BCAS3: variants seen among roughly 807,000 people sequenced by gnomAD.
BCAS3 encodes BCAS3 microtubule associated cell migration factor.
Under a neutral mutation model 116.1 loss-of-function variants are expected in BCAS3, and 53 were observed. The ratio of observed to expected loss-of-function variants is 0.46; its 90% CI spans 0.37 to 0.57. The LOEUF (loss-of-function observed/expected upper bound fraction) is 0.57. BCAS3 is among the 20% of genes least tolerant of loss of function. The probability of loss-of-function intolerance (pLI) is 0.00; values close to 1 mark genes in which losing one functional copy is unlikely to be tolerated. For missense variants in BCAS3, 917 were observed against 1,165.4 expected, an observed-to-expected ratio of 0.79 and a Z score of 3.10; for synonymous variants, 391 against 408.2, an observed-to-expected ratio of 0.96 and a Z score of 0.51.
At chr17:60,921,697 T>G (rs1599703233) in intron 12 of BCAS3, among the ~76,000 whole-genome samples, 1 of 137,204 alleles carries the variant, frequency 7.3e-6, no homozygotes, top group Non-Finnish European at 1.6e-5. Flanking sequence ...ACTACTAGAG[T>G]GGGGAGGGAG....
Position 61,332,961 on chromosome 17 carries a change from A to G in BCAS3, c.2426-35366A>G, listed in dbSNP as rs1568874338. Among the ~76,000 whole-genome samples the G allele has an allele frequency of 2.0e-5, 3 of 152,198 alleles. No individual in the cohort carries two copies. The highest frequency in any genetic ancestry group is 6.5e-5 in the Admixed American group (1 of 15,284). On this transcript the variant is annotated intron_variant, in intron 22 of 23. Transcript: ENST00000407086. The surrounding 1 kb of genome is among the most constrained non-coding windows in gnomAD (Gnocchi z 5.4). The stretch of plus-strand genomic sequence containing the variant: ...GGCAGCTAAGGCTCAGAGAAGTCAT[A>G]TTACAAGTCTAGGGCAGAGCGGGGA...
rs2055449820 is a variant in BCAS3 at position 61,323,188 on chromosome 17, TCA to T, written c.2426-45138_2426-45137del. Reference sequence around the variant, plus strand: ...AGCTGATGACCACGGGCCAGATTGTTCATTTCACAAAGGGGAGGCTTTTAAAA... The same window carrying T: ...AGCTGATGACCACGGGCCAGATTGTTTTTCACAAAGGGGAGGCTTTTAAAA... On this transcript the variant is annotated intron_variant, in intron 22 of 23. Coordinates refer to ENST00000407086, the MANE Select transcript of BCAS3 (RefSeq NM_017679.5). This position sits in a 1 kb window ranked among gnomAD's most constrained non-coding sequence, Gnocchi z 4.6. 6.6e-6 allele frequency among the ~76,000 whole-genome samples: 1 copy of T among 152,172 alleles called. No individual in the cohort carries two copies. The highest frequency in any genetic ancestry group is 6.5e-5 in the Admixed American group (1 of 15,280).
chr17:60,782,858 GA>G (rs2045952715), intron 6 of BCAS3, among the ~76,000 whole-genome samples: 2 of 151,990 alleles, frequency 1.3e-5, no homozygotes, highest in African/African-American at 4.8e-5. Context: ...AAAGTGCTGG[GA>G]ATACAGGCAT....
intron 5 of BCAS3, chr17:60,727,616 C>G (rs1417343163): frequency 1.7e-6 from 1 of 576,566 alleles, no homozygotes. Flanking sequence ...AGGTTCACGG[C>G]AAAACTGAGT....
chr17:60,902,763 C>A, intron 11 of BCAS3, 60 bp downstream of exon 11: 1 of 1,280,038 alleles, frequency 7.8e-7, no homozygotes, highest in Non-Finnish European at 1.1e-6. Flanking sequence ...TCAGATTTCT[C>A]TCCTGAATTA....
At position 60,967,319 on chromosome 17, in the gene BCAS3, A is replaced by G. The variant is rs2061712970; in HGVS notation, c.1221+19967A>G. Among the ~76,000 whole-genome samples, 1 of 152,136 alleles carries G rather than the reference A, an allele frequency of 6.6e-6. No homozygotes were observed. Among genetic ancestry groups the G allele is most frequent in the African/African-American group, 2.4e-5 (1 of 41,414 alleles). The stretch of plus-strand genomic sequence containing the variant: ...CAAGTATAATTTTGCTGAATGCAAT[A>G]TTCTTGGATGGCAATGTTTTCTCCT... On this transcript the variant is annotated intron_variant, in intron 14 of 23. Transcript: ENST00000407086. The surrounding 1 kb of genome is among the most constrained non-coding windows in gnomAD (Gnocchi z 4.7).
rs554323286 is a variant in BCAS3, at chr17:61,133,924, T to C, written c.2425+49360T>C. ...ATCTTTGATTCCTTACTGTGTAATC[T>C]TTTAACAAAGTATTTTGCAAACATA... On this transcript the variant is annotated intron_variant, in intron 22 of 23. Transcript: ENST00000407086. 2.7e-5 allele frequency among the ~76,000 whole-genome samples: 4 copies of C among 150,934 alleles called. No individual in the cohort carries two copies. In the South Asian group the frequency reaches 8.4e-4, roughly 32 times the overall value.
chr17:61,303,695 C>CT (rs1439251751), intron 22 of BCAS3, among the ~76,000 whole-genome samples: 1 of 152,188 alleles, frequency 6.6e-6, no homozygotes, highest in Non-Finnish European at 1.5e-5. Context: ...CTCTGCATGG[C>CT]TTGAGTCAGA....
In BCAS3 at chr17:61,189,205, G is replaced by A. The variant is rs747682128; in HGVS notation, c.2425+104641G>A. Among the ~76,000 whole-genome samples the A allele has an allele frequency of 6.6e-6, 1 of 152,198 alleles. No homozygotes were observed. The highest frequency in any genetic ancestry group is 1.5e-5 in the Non-Finnish European group (1 of 68,032). ...CCTTTATGTGCTTAGAGTTGAGGAA[G>A]GTGGAGAATATTTAAGGAAAGCTTT... On this transcript the variant is annotated intron_variant, in intron 22 of 23. Transcript: ENST00000407086. This position sits in a 1 kb window ranked among gnomAD's most constrained non-coding sequence, Gnocchi z 4.5.
rs768953329 is a variant in BCAS3 at position 60,850,428 on chromosome 17, G to A, written c.477-18148G>A. Among the ~76,000 whole-genome samples the A allele has an allele frequency of 8.3e-5, 11 of 133,178 alleles. 1 individual carries two copies. Among genetic ancestry groups the A allele is most frequent in the Non-Finnish European group, 6.1e-5 (4 of 65,646 alleles). The allele number at this position is 133,178 out of a possible 152,430, so 87.4% of individuals were successfully genotyped here. ...GGTTGGAGTGCAATGGCGTGATCTCGGCTCTCTGCAACCTCTGCCTCCTCA... is the reference window on the plus strand; with the variant it reads ...GGTTGGAGTGCAATGGCGTGATCTCAGCTCTCTGCAACCTCTGCCTCCTCA... On this transcript the variant is annotated intron_variant, in intron 7 of 23. Coordinates refer to ENST00000407086, the MANE Select transcript of BCAS3 (RefSeq NM_017679.5).
intron 22 of BCAS3, among the ~76,000 whole-genome samples, chr17:61,273,086 A>G (rs1486233513): frequency 6.6e-6 from 1 of 151,818 alleles, no homozygotes; most frequent in Non-Finnish European, 1.5e-5. Context: ...TTTTGTCTAA[A>G]AATGTCTGTT....
At chr17:61,218,523 G>C (rs1396686125) in intron 22 of BCAS3, among the ~76,000 whole-genome samples, 2 of 152,164 alleles carry the variant, frequency 1.3e-5, no homozygotes, top group Non-Finnish European at 2.9e-5. Flanking sequence ...TTTTGGTAAT[G>C]ACTCCCTTCC....
intron 22 of BCAS3, among the ~76,000 whole-genome samples, chr17:61,173,972 C>G (rs1024670893): frequency 6.6e-6 from 1 of 152,044 alleles, no homozygotes; most frequent in Non-Finnish European, 1.5e-5. Flanking sequence ...CATTTTAACA[C>G]CAATACTATA....
rs888197461 is a variant in BCAS3 at position 61,037,499 on chromosome 17, T to C, written c.1763-390T>C. 1.1e-4 allele frequency among the ~76,000 whole-genome samples: 16 copies of C among 152,204 alleles called. No individual in the cohort carries two copies. Among genetic ancestry groups the C allele is most frequent in the African/African-American group, 3.9e-4 (16 of 41,448 alleles). On this transcript the variant is annotated intron_variant, in intron 17 of 23. Coordinates refer to ENST00000407086, the MANE Select transcript of BCAS3 (RefSeq NM_017679.5). The surrounding 1 kb of genome is among the most constrained non-coding windows in gnomAD (Gnocchi z 4.7). ...TGAAAAAATTCCTGTCGTCTGAGCA[T>C]GGTGGCTCACGCCTTTAATCCCAGC...
intron 22 of BCAS3, among the ~76,000 whole-genome samples, chr17:61,190,031 AAGTGC>A (rs1329838064): frequency 6.6e-6 from 1 of 152,194 alleles, no homozygotes; most frequent in African/African-American, 2.4e-5. Flanking sequence ...AGAACCTAAA[AAGTGC>A]AGTGCCAACA....
intron 19 of BCAS3, among the ~76,000 whole-genome samples, chr17:61,054,389 G>C (rs1405026489): frequency 3.3e-5 from 5 of 152,154 alleles, no homozygotes; most frequent in Non-Finnish European, 7.4e-5. Context: ...GGGGGAGACA[G>C]GGTCTCACTC....
rs1473659705 is a variant in BCAS3, at chr17:61,151,839, A to T, written c.2425+67275A>T. Among the ~76,000 whole-genome samples, 2 of 152,190 alleles carry T rather than the reference A, an allele frequency of 1.3e-5. No homozygotes were observed. The highest frequency in any genetic ancestry group is 2.9e-5 in the Non-Finnish European group (2 of 68,036). ...ATACAGTGTTGATGAGATAGACCAC[A>T]GGCTTTTCATGCCAATACTCCTCCT... On this transcript the variant is annotated intron_variant, in intron 22 of 23. Coordinates refer to ENST00000407086, the MANE Select transcript of BCAS3 (RefSeq NM_017679.5). The surrounding 1 kb of genome is among the most constrained non-coding windows in gnomAD (Gnocchi z 4.8).
Position 61,077,028 on chromosome 17 carries a change from G to T in BCAS3, c.2131-1305G>T, listed in dbSNP as rs1203558842. 1.3e-5 allele frequency among the ~76,000 whole-genome samples: 2 copies of T among 151,992 alleles called. No individual in the cohort carries two copies. The highest frequency in any genetic ancestry group is 4.8e-5 in the African/African-American group (2 of 41,378). ...TAAAAGAACTCAGGACAAAAATAAGGCATGTGGGAAGTCAATTACATAAAG... is the reference window on the plus strand; with the variant it reads ...TAAAAGAACTCAGGACAAAAATAAGTCATGTGGGAAGTCAATTACATAAAG... On this transcript the variant is annotated intron_variant, in intron 20 of 23. Transcript: ENST00000407086. The surrounding 1 kb of genome is among the most constrained non-coding windows in gnomAD (Gnocchi z 4.3).
At chr17:60,920,695 C>T (rs943241191) in intron 12 of BCAS3, among the ~76,000 whole-genome samples, 1 of 152,084 alleles carries the variant, frequency 6.6e-6, no homozygotes, top group African/African-American at 2.4e-5. Flanking sequence ...ACAGTGAAAT[C>T]CCGTCTCTAC....
Sources: gnomAD v4.1 joint callset for allele counts (sites outside exome capture counted in the v4.1 genomes callset) on GRCh38, gnomAD v4.1.1 for gene constraint, Gnocchi (gnomAD v3.1) non-coding constraint, MANE v1.5 for transcripts, NCBI Gene and HGNC (gene_info 2026-07-23, HGNC 2026-07-21) for gene names.